KIAA1217: variants seen among roughly 807,000 people sequenced by gnomAD.
The protein encoded by KIAA1217 is KIAA1217.
A neutral mutation model predicts 163.9 loss-of-function variants in KIAA1217; 88 were observed. The observed-to-expected ratio is 0.54, with a 90% CI of 0.45 to 0.64. The LOEUF (loss-of-function observed/expected upper bound fraction) is 0.64, where lower values mean the gene tolerates loss of function less well. KIAA1217 is among the 30% of genes least tolerant of loss of function. KIAA1217 has a pLI of 0.00. For synonymous variants in KIAA1217, 903 were observed against 923.1 expected (o/e 0.98, Z 0.39); for missense variants, 2,372 against 2,475.0 (o/e 0.96, Z 0.88).
At chr10:23,729,620 T>G (rs1170119630) in intron 1 of KIAA1217, among the ~76,000 whole-genome samples, 1 of 152,210 alleles carries the variant, frequency 6.6e-6, no homozygotes, top group Non-Finnish European at 1.5e-5. Flanking sequence ...CTTTGGTCCA[T>G]TTTTTAATTG....
At chr10:23,770,527 A>C (rs1342058708) in intron 1 of KIAA1217, among the ~76,000 whole-genome samples, 1 of 152,212 alleles carries the variant, frequency 6.6e-6, no homozygotes, top group Non-Finnish European at 1.5e-5. Flanking sequence ...CACAACTTCA[A>C]AACCAATTAT....
chr10:24,144,875 TC>T (rs957476652), intron 2 of KIAA1217, among the ~76,000 whole-genome samples: 1 of 152,166 alleles, frequency 6.6e-6, no homozygotes, highest in African/African-American at 2.4e-5. Context: ...CCTTTCTCCC[TC>T]CCCTCACATT....
intron 2 of KIAA1217, among the ~76,000 whole-genome samples, chr10:24,310,550 G>A (rs918194827): frequency 1.3e-5 from 2 of 152,170 alleles, no homozygotes; most frequent in African/African-American, 4.8e-5. Flanking sequence ...ATATTTTAGA[G>A]TTTGAAATCA....
At chr10:23,891,470 C>T (rs1174873266) in intron 1 of KIAA1217, among the ~76,000 whole-genome samples, 2 of 151,890 alleles carry the variant, frequency 1.3e-5, no homozygotes, top group Non-Finnish European at 1.5e-5. Context: ...GCCCTCAGGA[C>T]CCAGCCATTC....
chr10:24,108,011 G>T (rs947393644), intron 2 of KIAA1217, among the ~76,000 whole-genome samples: 4 of 152,140 alleles, frequency 2.6e-5, no homozygotes, highest in Admixed American at 1.3e-4. Flanking sequence ...AGGTCTGGGG[G>T]TTCATCTGAA....
chr10:23,988,187 C>T (rs1846063368), intron 1 of KIAA1217, among the ~76,000 whole-genome samples: 1 of 152,308 alleles, frequency 6.6e-6, no homozygotes, highest in Admixed American at 6.5e-5. Context: ...GCCAGGAGGG[C>T]TCCAGATTAG....
At chr10:24,205,382 G>C (rs1021515912), upstream of KIAA1217, among the ~76,000 whole-genome samples, 6 of 151,546 alleles carry the variant, frequency 4.0e-5, no homozygotes, top group African/African-American at 1.5e-4. Flanking sequence ...TGCTGAAGCG[G>C]GACAATTGCT....
chr10:23,704,588 T>C (rs948511434), intron 1 of KIAA1217, among the ~76,000 whole-genome samples: 18 of 152,120 alleles, frequency 1.2e-4, no homozygotes, highest in African/African-American at 4.3e-4. Flanking sequence ...CTTCTTTCAC[T>C]CTGCGTAATG....
intron 1 of KIAA1217, among the ~76,000 whole-genome samples, chr10:23,793,380 A>G (rs944235903): frequency 6.6e-6 from 1 of 152,104 alleles, no homozygotes; most frequent in African/African-American, 2.4e-5. Context: ...TGATTATTCC[A>G]TGTCACTGAT....
chr10:24,404,207 C>T (rs997908773), intron 3 of KIAA1217, among the ~76,000 whole-genome samples: 8 of 152,178 alleles, frequency 5.3e-5, no homozygotes, highest in Non-Finnish European at 8.8e-5. Flanking sequence ...AGGAGCCTCC[C>T]GCTTTGGCCT....
chr10:24,540,155 T>C (rs2074799884), intron 17 of KIAA1217, among the ~76,000 whole-genome samples: 1 of 152,228 alleles, frequency 6.6e-6, no homozygotes, highest in African/African-American at 2.4e-5. Context: ...TTCACATTTT[T>C]ATCCTAGTGA....
intron 1 of KIAA1217, among the ~76,000 whole-genome samples, chr10:23,797,693 C>A (rs2130948705): frequency 6.6e-6 from 1 of 152,282 alleles, no homozygotes; most frequent in Non-Finnish European, 1.5e-5. Context: ...CACCAACTGT[C>A]ATGAGAACTC....
intron 14 of KIAA1217, among the ~76,000 whole-genome samples, chr10:24,529,159 C>T (rs932902493): frequency 1.3e-5 from 2 of 152,060 alleles, no homozygotes; most frequent in Admixed American, 6.5e-5. Context: ...AAAGTGTATT[C>T]CATTTATAAC....
chr10:23,711,725 T>C (rs1052696336), intron 1 of KIAA1217, among the ~76,000 whole-genome samples: 3 of 152,134 alleles, frequency 2.0e-5, no homozygotes, highest in East Asian at 1.9e-4. Context: ...CAGGAAAGCA[T>C]GGTCCAGTTC....
intron 2 of KIAA1217, among the ~76,000 whole-genome samples, chr10:24,148,077 C>T (rs74123653): frequency 0.026 from 3,885 of 151,884 alleles, 153 homozygotes; most frequent in African/African-American, 0.084. Context: ...GTTTTTTCTC[C>T]TGTTTTCTAA....
At chr10:23,759,805 C>T (rs1324411800) in intron 1 of KIAA1217, among the ~76,000 whole-genome samples, 1 of 152,138 alleles carries the variant, frequency 6.6e-6, no homozygotes, top group Non-Finnish European at 1.5e-5. Context: ...AGCCTCCAGT[C>T]CCCATGTGTG....
chr10:24,130,792 A>G (rs968070095), intron 2 of KIAA1217, among the ~76,000 whole-genome samples: 4 of 152,170 alleles, frequency 2.6e-5, no homozygotes, highest in African/African-American at 9.7e-5. Flanking sequence ...ATAATTCGTC[A>G]CCATCATTAA....
intron 1 of KIAA1217, among the ~76,000 whole-genome samples, chr10:23,916,793 G>A (rs192699340): frequency 2.1e-4 from 32 of 152,066 alleles, no homozygotes; most frequent in African/African-American, 7.7e-4. Context: ...CTAATATGGT[G>A]AAGCCCTGTC....
At chr10:23,976,091 G>T (rs1296787967) in intron 1 of KIAA1217, among the ~76,000 whole-genome samples, 1 of 152,152 alleles carries the variant, frequency 6.6e-6, no homozygotes, top group African/African-American at 2.4e-5. Context: ...CAGAGCAACA[G>T]ATTTCATCCT....
Sources: gnomAD v4.1 joint callset for allele counts (sites outside exome capture counted in the v4.1 genomes callset) on GRCh38, gnomAD v4.1.1 for gene constraint, MANE v1.5 for transcripts, NCBI Gene and HGNC (gene_info 2026-07-23, HGNC 2026-07-21) for gene names.